Variants in PBX1 observed in about 807,000 individuals in gnomAD.
PBX1 encodes the protein pre-B-cell leukemia transcription factor 1.
In PBX1, 6 loss-of-function variants were observed where a neutral mutation model predicts 53.4. That is an observed-to-expected ratio of 0.11 (90% CI 0.06 to 0.22). The LOEUF is 0.22. Ranked by LOEUF, PBX1 falls within the 10% of genes least tolerant of loss-of-function variation. PBX1 has a pLI of 1.00. For synonymous variants in PBX1, 204 were observed against 212.3 expected (o/e 0.96, Z 0.34); for missense variants, 251 against 551.4 (o/e 0.46, Z 5.46).
In PBX1 at chr1:164,786,729, A is replaced by ACACG. The variant is rs1553246272; in HGVS notation, c.266-5762_266-5761insGCAC. Among the ~76,000 whole-genome samples the ACACG allele has an allele frequency of 1.1e-3, 164 of 144,522 alleles. No homozygotes were observed. In the Middle Eastern group the frequency reaches 0.021, roughly 18 times the overall value. 94.8% of individuals were successfully genotyped at this position (144,522 alleles called of 152,430 possible). On this transcript the variant is annotated intron_variant, in intron 2 of 8. Transcript: ENST00000420696. ...TGTGTGTGTGTGTGTGTGCGCGCGC[A>ACACG]CACACACACACGCACAGAATAGATA...
chr1:164,809,338 C>G (rs1292066158), intron 5 of PBX1, among the ~76,000 whole-genome samples: 1 of 152,242 alleles, frequency 6.6e-6, no homozygotes, highest in East Asian at 1.9e-4. Context: ...CATTAAAATC[C>G]TTATTTACAT....
intron 2 of PBX1, among the ~76,000 whole-genome samples, chr1:164,599,724 G>C (rs1012853536): frequency 1.3e-5 from 2 of 152,142 alleles, no homozygotes; most frequent in African/African-American, 4.8e-5. Flanking sequence ...AGATTCAATG[G>C]GTTGTGCCCT....
At chr1:164,593,241 A>C (rs1020201116) in intron 2 of PBX1, among the ~76,000 whole-genome samples, 2 of 152,180 alleles carry the variant, frequency 1.3e-5, no homozygotes, top group Non-Finnish European at 2.9e-5. Flanking sequence ...AACAGGCATG[A>C]GCCACCACGC....
At chr1:164,619,379 T>G (rs1447322148) in intron 2 of PBX1, among the ~76,000 whole-genome samples, 1 of 152,138 alleles carries the variant, frequency 6.6e-6, no homozygotes, top group Non-Finnish European at 1.5e-5. Flanking sequence ...TGCCCCAAAC[T>G]GCACTTTGTT....
chr1:164,801,273 G>C (rs529347904), intron 4 of PBX1, among the ~76,000 whole-genome samples: 2 of 152,264 alleles, frequency 1.3e-5, no homozygotes, highest in South Asian at 4.1e-4. Context: ...CCCGTGGCCT[G>C]CTGTCTGCCA....
At chr1:164,803,701 A>G (rs1237902540) in intron 4 of PBX1, among the ~76,000 whole-genome samples, 1 of 152,204 alleles carries the variant, frequency 6.6e-6, no homozygotes, top group African/African-American at 2.4e-5. Context: ...GGGATAGGAA[A>G]GATCCACTGA....
At chr1:164,772,502 G>A (rs982247111) in intron 2 of PBX1, among the ~76,000 whole-genome samples, 4 of 152,222 alleles carry the variant, frequency 2.6e-5, no homozygotes, top group African/African-American at 4.8e-5. Context: ...CCATTTTACA[G>A]ATGGTGCTAA....
At chr1:164,564,353 A>G (rs1462044186) in intron 2 of PBX1, among the ~76,000 whole-genome samples, 1 of 152,160 alleles carries the variant, frequency 6.6e-6, no homozygotes, top group Admixed American at 6.5e-5. Flanking sequence ...GAAAGTGACA[A>G]TAAATATGAT....
intron 2 of PBX1, among the ~76,000 whole-genome samples, chr1:164,863,682 C>T (rs1049980234): frequency 6.6e-6 from 1 of 152,092 alleles, no homozygotes; most frequent in East Asian, 1.9e-4. Flanking sequence ...TAAATATGGA[C>T]AGAAAGAGAG....
chr1:164,650,831 G>A (rs751511307), intron 2 of PBX1, among the ~76,000 whole-genome samples: 4 of 151,556 alleles, frequency 2.6e-5, no homozygotes, highest in African/African-American at 4.9e-5. Context: ...AAAAAAAAGC[G>A]TGCAGGAAGT....
chr1:164,803,589 G>A (rs1669191994), intron 4 of PBX1, among the ~76,000 whole-genome samples: 2 of 152,178 alleles, frequency 1.3e-5, no homozygotes, highest in African/African-American at 4.8e-5. Flanking sequence ...AAAAGCCACA[G>A]GAGCATGAAA....
chr1:164,728,199 T>A (rs934991514), intron 2 of PBX1, among the ~76,000 whole-genome samples: 5 of 151,892 alleles, frequency 3.3e-5, no homozygotes, highest in African/African-American at 1.2e-4. Context: ...TGCCTGTAGT[T>A]CCAGCTAGTC....
chr1:164,754,719 G>A (rs1397982926), intron 2 of PBX1, among the ~76,000 whole-genome samples: 1 of 152,102 alleles, frequency 6.6e-6, no homozygotes, highest in Non-Finnish European at 1.5e-5. Flanking sequence ...GAGAGATGAG[G>A]ATAATACAGA....
In PBX1 at chr1:164,848,909, G is replaced by C. The variant is rs187013832; in HGVS notation, c.*2233G>C. On this transcript the variant is annotated 3_prime_UTR_variant, in exon 9 of 9. Transcript: ENST00000420696. ...TATTTGAAGGAAATGCAAAAACTAAGTATTTAGCAAAATGAAATTATGCCT... is the reference window on the plus strand; with the variant it reads ...TATTTGAAGGAAATGCAAAAACTAACTATTTAGCAAAATGAAATTATGCCT... 9.3e-7 allele frequency: 1 copy of C among 1,069,534 alleles called. No homozygotes were observed. Among genetic ancestry groups the C allele is most frequent in the African/African-American group, 1.6e-5 (1 of 61,212 alleles). 66.3% of individuals were successfully genotyped at this position (1,069,534 alleles called of 1,614,324 possible).
At chr1:164,813,774 T>C (rs1439348197) in intron 6 of PBX1, 2 of 152,242 alleles carry the variant, frequency 1.3e-5, no homozygotes, top group African/African-American at 4.8e-5. Flanking sequence ...CTTTCTTCAT[T>C]ACTAAATTTG....
At chr1:164,753,944 T>C in intron 2 of PBX1, among the ~76,000 whole-genome samples, 1 of 152,052 alleles carries the variant, frequency 6.6e-6, no homozygotes, top group East Asian at 1.9e-4. Context: ...AGAGAAGAGA[T>C]TTCTGTTTAG....
chr1:164,678,738 A>G (rs776225743), intron 2 of PBX1, among the ~76,000 whole-genome samples: 14 of 152,212 alleles, frequency 9.2e-5, no homozygotes, highest in Non-Finnish European at 1.6e-4. Flanking sequence ...GATTGTTACT[A>G]TCAACACAGT....
intron 2 of PBX1, among the ~76,000 whole-genome samples, chr1:164,662,557 G>C (rs903189272): frequency 3.9e-5 from 6 of 151,976 alleles, no homozygotes; most frequent in Non-Finnish European, 5.9e-5. Context: ...TTCAGGGTCC[G>C]AGGAGCCTTC....
chr1:164,662,159 C>T (rs770110792), intron 2 of PBX1, among the ~76,000 whole-genome samples: 21 of 152,068 alleles, frequency 1.4e-4, no homozygotes, highest in African/African-American at 2.2e-4. Flanking sequence ...ATCCCTGTCT[C>T]TACTAAAAAT....
Sources: gnomAD v4.1 joint callset for allele counts (sites outside exome capture counted in the v4.1 genomes callset) on GRCh38, gnomAD v4.1.1 for gene constraint, MANE v1.5 for transcripts, NCBI Gene and HGNC (gene_info 2026-07-23, HGNC 2026-07-21) for gene names.